Variants in NFATC1 observed in about 807,000 individuals in gnomAD.
The protein encoded by NFATC1 is nuclear factor of activated T-cells, cytoplasmic 1.
NFATC1 carries 22 observed loss-of-function variants against 76.0 expected under a neutral mutation model. That is an observed-to-expected ratio of 0.29 (90% CI 0.21 to 0.41). NFATC1 has a LOEUF of 0.41. Ranked by LOEUF, NFATC1 falls within the 10% of genes least tolerant of loss-of-function variation. The pLI, the probability that NFATC1 is intolerant of heterozygous loss-of-function variation, is 1.00. For synonymous variants in NFATC1, 704 were observed against 613.1 expected (o/e 1.15, Z -2.19); for missense variants, 1,357 against 1,337.7 (o/e 1.01, Z -0.23).
chr18:79,409,206 TATCC>T (rs1247932366), intron 1 of NFATC1, among the ~76,000 whole-genome samples: 1 of 143,006 alleles, frequency 7.0e-6, no homozygotes, highest in African/African-American at 2.6e-5. Flanking sequence ...CTCCATTCCC[TATCC>T]ATCCATTCAT....
intron 9 of NFATC1, among the ~76,000 whole-genome samples, chr18:79,499,272 T>A (rs1326823914): frequency 1.3e-5 from 2 of 152,222 alleles, no homozygotes; most frequent in African/African-American, 4.8e-5. Context: ...AGTATTCATC[T>A]GAAATAGACT....
chr18:79,445,337 G>C (rs1038513892), intron 3 of NFATC1, among the ~76,000 whole-genome samples: 10 of 152,218 alleles, frequency 6.6e-5, no homozygotes, highest in African/African-American at 2.2e-4. Flanking sequence ...CCTGTACCGA[G>C]GGTGGAGCCA....
Position 79,451,122 on chromosome 18 carries a change from A to G in NFATC1, c.1758A>G (p.Glu586=), listed in dbSNP as rs374550048. Residue 586 remains glutamate (E), a synonymous_variant, in exon 5 of 10, where the codon GAA becomes GAG. Transcript: ENST00000427363. The part of the protein sequence containing the change: ...LSLQVASNPI[E]CSQRSAQELP... ...TGCAGGTGGCCTCCAACCCCATCGA[A>G]TGCTGTAAGTGGACGTCCACGCGCC... is the stretch of plus-strand genomic sequence containing the variant. 10 of 1,609,264 alleles carry G rather than the reference A, an allele frequency of 6.2e-6. No individual in the cohort carries two copies. The highest frequency in any genetic ancestry group is 8.5e-6 in the Non-Finnish European group (10 of 1,177,020).
chr18:79,407,840 C>G (rs1173346831), intron 1 of NFATC1, among the ~76,000 whole-genome samples: 3 of 152,160 alleles, frequency 2.0e-5, no homozygotes, highest in Non-Finnish European at 2.9e-5. Context: ...ATGGGGAAGG[C>G]GGGACTGGGG....
intron 4 of NFATC1, among the ~76,000 whole-genome samples, chr18:79,450,136 C>G (rs2087399546): frequency 6.6e-6 from 1 of 152,202 alleles, no homozygotes; most frequent in South Asian, 2.1e-4. Flanking sequence ...ACGCCCGCAG[C>G]CAGGACCGCG....
intron 9 of NFATC1, chr18:79,516,105 A>G (rs1419348022): frequency 6.6e-6 from 1 of 152,166 alleles, no homozygotes; most frequent in Non-Finnish European, 1.5e-5. Flanking sequence ...TCTGTGCAAC[A>G]TTCAGGCTAA....
intron 9 of NFATC1, among the ~76,000 whole-genome samples, chr18:79,488,105 G>A (rs2089567233): frequency 1.3e-5 from 2 of 152,204 alleles, no homozygotes; most frequent in African/African-American, 4.8e-5. Context: ...CCGGGCGTCA[G>A]GAGCTCAGTT....
chr18:79,485,876 A>T (rs1031297744), intron 8 of NFATC1, among the ~76,000 whole-genome samples: 3 of 152,266 alleles, frequency 2.0e-5, no homozygotes, highest in Non-Finnish European at 4.4e-5. Flanking sequence ...ATGTGCAGAC[A>T]TTTATCAAAC....
intron 9 of NFATC1, among the ~76,000 whole-genome samples, chr18:79,504,572 ACAT>A (rs1259989530): frequency 7.9e-5 from 12 of 152,284 alleles, no homozygotes; most frequent in African/African-American, 2.9e-4. Context: ...AAAGCTTGGA[ACAT>A]CATGAGCATT....
chr18:79,503,371 AGT>A (rs1406724466), intron 9 of NFATC1, among the ~76,000 whole-genome samples: 2 of 152,186 alleles, frequency 1.3e-5, no homozygotes, highest in African/African-American at 4.8e-5. Flanking sequence ...GAGTCTGTTA[AGT>A]GTGCACCAGC....
intron 2 of NFATC1, among the ~76,000 whole-genome samples, chr18:79,419,770 G>A (rs184849702): frequency 3.9e-4 from 60 of 152,342 alleles, no homozygotes; most frequent in African/African-American, 8.2e-4. Context: ...TTTGAGCAGC[G>A]GGATAGGTGG....
Position 79,435,841 on chromosome 18 carries a change from A to G in NFATC1, c.1386+2103A>G, listed in dbSNP as rs781705479. ...AGAGGCTGGCTCTGCGTTTCCACAG[A>G]AGGAGCCCTTTCCATTGAAACGCGG... On this transcript the variant is annotated intron_variant, in intron 3 of 9. Coordinates refer to ENST00000427363, the MANE Select transcript of NFATC1 (RefSeq NM_001278669.2). Among the ~76,000 whole-genome samples the G allele has an allele frequency of 4.0e-4, 61 of 152,204 alleles. 1 individual carries two copies. The highest frequency in any genetic ancestry group is 1.9e-4 in the Non-Finnish European group (13 of 68,036).
At chr18:79,404,402 G>A (rs114671163) in intron 1 of NFATC1, among the ~76,000 whole-genome samples, 16 of 152,356 alleles carry the variant, frequency 1.1e-4, no homozygotes, top group African/African-American at 3.6e-4. Flanking sequence ...ACCACGTCCC[G>A]GTGCCACTGT....
Position 79,402,693 on chromosome 18 carries a change from G to T in NFATC1, c.127+6342G>T, listed in dbSNP as rs537043062. Among the ~76,000 whole-genome samples the T allele has an allele frequency of 8.7e-4, 133 of 152,266 alleles. 1 individual carries two copies. Among genetic ancestry groups the T allele is most frequent in the African/African-American group, 2.9e-3 (121 of 41,568 alleles). ...ACGGTGTCAAGAAGTTGCTAGGAAG[G>T]GTTCTTTATGTATCTCATATGTTAC... On this transcript the variant is annotated intron_variant, in intron 1 of 9. Coordinates refer to ENST00000427363, the MANE Select transcript of NFATC1 (RefSeq NM_001278669.2).
chr18:79,505,890 G>T (rs1409659709), intron 9 of NFATC1, among the ~76,000 whole-genome samples: 5 of 151,170 alleles, frequency 3.3e-5, no homozygotes, highest in African/African-American at 1.2e-4. Flanking sequence ...CCTTGGATGA[G>T]GGAAGAGGCA....
intron 8 of NFATC1, among the ~76,000 whole-genome samples, chr18:79,472,394 C>T (rs928332257): frequency 5.3e-5 from 8 of 152,178 alleles, no homozygotes; most frequent in African/African-American, 7.2e-5. Context: ...TCTGGGCCGC[C>T]GCCCGACCTC....
intron 3 of NFATC1, among the ~76,000 whole-genome samples, chr18:79,447,601 G>C (rs995553851): frequency 6.6e-6 from 1 of 152,164 alleles, no homozygotes; most frequent in South Asian, 2.1e-4. Context: ...GGCGCTCATC[G>C]GGCCCCACTT....
At chr18:79,407,836 A>G (rs2085495514) in intron 1 of NFATC1, among the ~76,000 whole-genome samples, 1 of 152,106 alleles carries the variant, frequency 6.6e-6, no homozygotes, top group African/African-American at 2.4e-5. Context: ...TACGATGGGG[A>G]AGGCGGGACT....
intron 7 of NFATC1, among the ~76,000 whole-genome samples, chr18:79,467,088 G>A (rs1425880103): frequency 1.3e-5 from 2 of 152,242 alleles, no homozygotes; most frequent in Admixed American, 1.3e-4. Flanking sequence ...CAAGATTTCA[G>A]TCTTAGGTTG....
Sources: allele counts gnomAD v4.1 joint callset (sites outside exome capture counted in the v4.1 genomes callset), GRCh38; gene constraint gnomAD v4.1.1; transcripts MANE v1.5; gene names NCBI Gene and HGNC (gene_info 2026-07-23, HGNC 2026-07-21).